Variants in DNAAF19 observed in about 807,000 individuals in gnomAD.
The protein encoded by DNAAF19 is coiled-coil domain containing 103.
chr17:44,904,973 C>G, the DNAAF19 span: 2 of 1,550,782 alleles, frequency 1.3e-6, no homozygotes, highest in Non-Finnish European at 1.7e-6. Flanking sequence ...GGAGCTCACC[C>G]TGATAGGCTA....
At chr17:44,903,779 C>T in the DNAAF19 span, 6 of 1,507,780 alleles carry the variant, frequency 4.0e-6, no homozygotes, top group Non-Finnish European at 4.4e-6. Flanking sequence ...CCCTATGAGC[C>T]TTTAATGCCC....
the DNAAF19 span, chr17:44,902,976 C>A: frequency 1.4e-6 from 2 of 1,432,112 alleles, no homozygotes; most frequent in Non-Finnish European, 1.8e-6. Context: ...TTCCCCACTT[C>A]TCCAGTCCCT....
chr17:44,902,565 C>G, the DNAAF19 span: 4 of 1,614,218 alleles, frequency 2.5e-6, no homozygotes, highest in Admixed American at 6.7e-5. Context: ...GGCCGGCTGA[C>G]CGGGCAGCGG....
chr17:44,902,832 C>T, the DNAAF19 span: 1 of 1,523,124 alleles, frequency 6.6e-7, no homozygotes, highest in Middle Eastern at 2.0e-4. Context: ...GCAAGCTACC[C>T]TCAGAGGTCC....
chr17:44,904,639 C>G, the DNAAF19 span: 4 of 1,550,428 alleles, frequency 2.6e-6, no homozygotes, highest in African/African-American at 4.1e-5. Context: ...CCTGGGTGCC[C>G]CAGGTGCCCA....
chr17:44,904,087 G>A, the DNAAF19 span: 1 of 1,550,634 alleles, frequency 6.4e-7, no homozygotes, highest in Non-Finnish European at 8.7e-7. Flanking sequence ...ATGGGCGGGT[G>A]CTGACGGAGG....
the DNAAF19 span, chr17:44,904,431 C>T: frequency 4.5e-6 from 7 of 1,541,112 alleles, no homozygotes; most frequent in Non-Finnish European, 6.1e-6. Flanking sequence ...CCAGACCTCT[C>T]CCCACGCTAC....
the DNAAF19 span, chr17:44,905,096 A>G: frequency 6.7e-7 from 1 of 1,483,514 alleles, no homozygotes; most frequent in Non-Finnish European, 9.1e-7. Context: ...TCTGAAGACC[A>G]GTTGTCCTTC....
the DNAAF19 span, chr17:44,905,383 G>GAA: frequency 6.5e-6 from 2 of 306,776 alleles, no homozygotes; most frequent in Non-Finnish European, 1.3e-5. Flanking sequence ...GATCAGTGTT[G>GAA]AATCATGTTT....
chr17:44,904,286 A>G, the DNAAF19 span: 475,386 of 1,549,140 alleles, frequency 0.31, 73,617 homozygotes, highest in Non-Finnish European at 0.32. Flanking sequence ...TTTCCAGGAC[A>G]AGGGCCAGGA....
chr17:44,904,918 G>A, the DNAAF19 span: 4 of 1,550,616 alleles, frequency 2.6e-6, no homozygotes, highest in Middle Eastern at 1.7e-4. Context: ...CATCTCATGG[G>A]CACTACCCAG....
the DNAAF19 span, among the ~76,000 whole-genome samples, chr17:44,902,033 C>G: frequency 1.3e-5 from 2 of 152,200 alleles, no homozygotes; most frequent in Non-Finnish European, 2.9e-5. Flanking sequence ...GTTCCTTTCT[C>G]TCTTCCTGAG....
chr17:44,904,808 G>GGCAACCAGCTCCACATCCGCT, the DNAAF19 span: 36 of 1,550,542 alleles, frequency 2.3e-5, no homozygotes, highest in Non-Finnish European at 3.1e-5. Flanking sequence ...CATTGACCAC[G>GGCAACCAGCTCCACATCCGCT]GCAACCAGCT....
chr17:44,903,259 CAACA>C, the DNAAF19 span: 32 of 1,250,480 alleles, frequency 2.6e-5, no homozygotes, highest in Non-Finnish European at 3.2e-5. Context: ...GACATGTAAT[CAACA>C]AATGATCAAA....
chr17:44,904,153 C>T, the DNAAF19 span: 2 of 1,550,262 alleles, frequency 1.3e-6, no homozygotes, highest in South Asian at 2.4e-5. Context: ...TCCGCATGTT[C>T]AGCTTGTTGG....
the DNAAF19 span, chr17:44,904,858 C>G: frequency 6.4e-7 from 1 of 1,550,564 alleles, no homozygotes; most frequent in African/African-American, 1.4e-5. Flanking sequence ...GGGGCATCTA[C>G]TATTGCTGGA....
At chr17:44,902,600 C>G in the DNAAF19 span, 1 of 1,614,132 alleles carries the variant, frequency 6.2e-7, no homozygotes, top group Non-Finnish European at 8.5e-7. Context: ...TGCAGCCTGG[C>G]GAGCACTGGG....
At chr17:44,902,525 A>G in the DNAAF19 span, 10 of 1,614,016 alleles carry the variant, frequency 6.2e-6, no homozygotes, top group Admixed American at 1.7e-5. Flanking sequence ...CTTCTTGGGG[A>G]GCTGCTGGTG....
the DNAAF19 span, chr17:44,905,194 A>G: frequency 1.3e-6 from 1 of 747,814 alleles, no homozygotes; most frequent in Non-Finnish European, 2.2e-6. Flanking sequence ...AATCTGTTAC[A>G]GCCTGCTCCC....
Sources: gnomAD v4.1 joint callset for allele counts (sites outside exome capture counted in the v4.1 genomes callset) on GRCh38, gnomAD v4.1.1 for gene constraint, MANE v1.5 for transcripts, NCBI Gene and HGNC (gene_info 2026-07-23, HGNC 2026-07-21) for gene names.